Variants in PZP observed in about 807,000 individuals in gnomAD.
PZP encodes the protein PZP alpha-2-macroglobulin like, also known as pregnancy zone protein.
Under a neutral mutation model 179.8 loss-of-function variants are expected in PZP, and 150 were observed. The ratio of observed to expected loss-of-function variants is 0.83; its 90% CI spans 0.73 to 0.96. PZP has a LOEUF of 0.96. PZP is among the 40% of genes least tolerant of loss of function. The pLI, the probability that PZP is intolerant of heterozygous loss-of-function variation, is 0.00. For missense variants in PZP, 1,689 were observed against 1,764.0 expected, an observed-to-expected ratio of 0.96 and a Z score of 0.76; for synonymous variants, 624 against 652.3, an observed-to-expected ratio of 0.96 and a Z score of 0.66.
At chr12:9,205,592 A>G (rs761403634) in intron 1 of PZP, among the ~76,000 whole-genome samples, 11 of 152,194 alleles carry the variant, frequency 7.2e-5, no homozygotes, top group Non-Finnish European at 1.5e-4. Flanking sequence ...GTAAATTGTG[A>G]CTAAAATGTA....
chr12:9,183,829 A>G (rs758430609), intron 13 of PZP, among the ~76,000 whole-genome samples: 1 of 152,358 alleles, frequency 6.6e-6, no homozygotes, highest in South Asian at 2.1e-4. Context: ...CTTATTTTAT[A>G]TCACTATGTG....
rs1940359165 is a variant in PZP at position 9,151,600 on chromosome 12, T to A, written c.4281+4A>T. ...AGTCTCAGCCAGGATGTCAGAGCCC[T>A]CACCTGTTCCACATAAATGAGGACA... On this transcript the variant is annotated splice_donor_region_variant and intron_variant, in intron 33 of 35. Coordinates refer to ENST00000261336, the MANE Select transcript of PZP (RefSeq NM_002864.3). 2.5e-6 allele frequency: 4 copies of A among 1,613,028 alleles called. No homozygotes were observed. Among genetic ancestry groups the A allele is most frequent in the Non-Finnish European group, 3.4e-6 (4 of 1,179,150 alleles).
rs1592441009 is a variant in PZP at position 9,153,313 on chromosome 12, T to C, written c.3805A>G (p.Arg1269Gly). Residue 1269 changes from arginine (R) to glycine (G), a missense_variant, in exon 30 of 36, where the codon AGG becomes GGG. Coordinates refer to ENST00000261336, the MANE Select transcript of PZP (RefSeq NM_002864.3). ...CTGGTGAAAGTGGCTGCTCCATACC[T>C]GGACAGGGCATGGAGAGCCACCACT... is the stretch of plus-strand genomic sequence containing the variant. ...DTVVALHALSRYGAATFTRTE... is the reference protein window; with the variant it reads ...DTVVALHALSGYGAATFTRTE... 3 of 1,613,970 alleles carry C rather than the reference T, an allele frequency of 1.9e-6. No individual in the cohort carries two copies. The highest frequency in any genetic ancestry group is 2.2e-5 in the East Asian group (1 of 44,890).
rs750193722 is a variant in PZP, at chr12:9,151,648, G to A, written c.4237C>T (p.Arg1413Trp). 54 of 1,613,576 alleles carry A rather than the reference G, an allele frequency of 3.3e-5. No individual in the cohort carries two copies. The highest frequency in any genetic ancestry group is 9.3e-5 in the African/African-American group (7 of 74,892). ...ACATGGTTGTTGCTCACTTCTGTCC[G>A]GCTCACAGAGCTAGATCTTTCAAGC... ...KMLERSSSVSRTEVSNNHVLI... is the reference protein window; with the variant it reads ...KMLERSSSVSWTEVSNNHVLI... The change falls in exon 33 of 36, where the codon CGG becomes TGG. Residue 1413 changes from arginine to tryptophan, a missense_variant. Coordinates refer to ENST00000261336, the MANE Select transcript of PZP (RefSeq NM_002864.3).
intron 22 of PZP, among the ~76,000 whole-genome samples, chr12:9,161,484 A>C (rs1941199169): frequency 6.6e-6 from 1 of 152,162 alleles, no homozygotes; most frequent in African/African-American, 2.4e-5. Context: ...TGACTTCCAG[A>C]GTCCTTCCTC....
At chr12:9,160,950 T>C (rs1010059719) in intron 23 of PZP, 83 bp downstream of exon 23, 8 of 1,180,146 alleles carry the variant, frequency 6.8e-6, no homozygotes, top group African/African-American at 1.5e-5. Context: ...ATCAAGAACT[T>C]GATAATTCAA....
chr12:9,143,831 A>C, the PZP span, among the ~76,000 whole-genome samples: 1 of 152,212 alleles, frequency 6.6e-6, no homozygotes, highest in African/African-American at 2.4e-5. Context: ...TGGAGAGGAC[A>C]TAGGAATTTT....
intron 7 of PZP, among the ~76,000 whole-genome samples, chr12:9,197,686 T>C (rs1174642422): frequency 3.1e-5 from 3 of 97,872 alleles, no homozygotes; most frequent in African/African-American, 1.3e-4. Flanking sequence ...ATACAATACA[T>C]AATATATATA....
At chr12:9,200,828 T>G in intron 6 of PZP, 64 bp downstream of exon 6, 1 of 1,507,186 alleles carries the variant, frequency 6.6e-7, no homozygotes, top group Non-Finnish European at 9.0e-7. Flanking sequence ...ATTCAAAGGA[T>G]CTAAGTGAGC....
chr12:9,166,023 A>G lies in PZP; in HGVS notation c.2258+29T>C, dbSNP rs1312009417. On this transcript the variant is annotated intron_variant, in intron 18 of 35. Transcript: ENST00000261336. Reference sequence around the variant, plus strand: ...GGAGGAACCACATTCCCTCCCCTCCAGCAAATGGAGGAAAGTAAAGTTACT... The same window carrying G: ...GGAGGAACCACATTCCCTCCCCTCCGGCAAATGGAGGAAAGTAAAGTTACT... 1.9e-6 allele frequency: 3 copies of G among 1,580,774 alleles called. No homozygotes were observed. In the Admixed American group the frequency reaches 5.9e-5, roughly 31 times the overall value.
At chr12:9,159,787 C>A in intron 25 of PZP, 151 bp downstream of exon 25, 1 of 693,288 alleles carries the variant, frequency 1.4e-6, no homozygotes, top group Non-Finnish European at 2.3e-6. Flanking sequence ...ACTTATCAGC[C>A]TTCATAGCTA....
rs754087570 is a variant in PZP at position 9,148,955 on chromosome 12, T to C, written c.*17A>G. On this transcript the variant is annotated 3_prime_UTR_variant, in exon 36 of 36. Transcript: ENST00000261336. Reference sequence around the variant, plus strand: ...ATAGGACAGAGAATCCACCAAAATATACAGCCTGTATGGTCCTCAAACATT... The same window carrying C: ...ATAGGACAGAGAATCCACCAAAATACACAGCCTGTATGGTCCTCAAACATT... 1.9e-6 allele frequency: 3 copies of C among 1,602,986 alleles called. No individual in the cohort carries two copies. The highest frequency in any genetic ancestry group is 3.3e-5 in the Admixed American group (2 of 59,954).
downstream of PZP, among the ~76,000 whole-genome samples, chr12:9,146,412 C>T (rs1246545611): frequency 1.3e-5 from 2 of 152,020 alleles, no homozygotes; most frequent in African/African-American, 2.4e-5. Flanking sequence ...TCTCACTGCT[C>T]ATACATTGTT....
chr12:9,196,342 G>GT lies in PZP; in HGVS notation c.1079_1080insA (p.Phe361LeufsTer18). 2 of 1,608,622 alleles carry GT rather than the reference G, an allele frequency of 1.2e-6. No homozygotes were observed. The highest frequency in any genetic ancestry group is 1.7e-6 in the Non-Finnish European group (2 of 1,175,220). Reference sequence around the variant, plus strand: ...CAACATATCTTACCTGTGCAAAAAAGGGGATTCCTTGTCTAAAGTGTGAAT... The same window carrying GT: ...CAACATATCTTACCTGTGCAAAAAAGTGGGATTCCTTGTCTAAAGTGTGAAT... On this transcript the variant is annotated frameshift_variant, in exon 10 of 36. Coordinates refer to ENST00000261336, the MANE Select transcript of PZP (RefSeq NM_002864.3). LOFTEE classifies it high-confidence loss of function.
At chr12:9,154,933 A>G (rs1454254262) in intron 28 of PZP, 94 bp from the exon 29 acceptor site, 3 of 1,241,762 alleles carry the variant, frequency 2.4e-6, no homozygotes, top group Non-Finnish European at 3.4e-6. Context: ...CATGGAGCTG[A>G]AAATAATACA....
At chr12:9,142,942 G>A in the PZP span, among the ~76,000 whole-genome samples, 1 of 152,312 alleles carries the variant, frequency 6.6e-6, no homozygotes, top group African/African-American at 2.4e-5. Flanking sequence ...TTTAATACCT[G>A]CACCAAGAGT....
At chr12:9,196,787 TTAAG>T (rs762804715) in intron 8 of PZP, 102 bp from the exon 9 acceptor site, 86 of 971,580 alleles carry the variant, frequency 8.9e-5, no homozygotes, top group East Asian at 1.2e-4. Flanking sequence ...TTTTTTTGCA[TTAAG>T]TAAGTTAATT....
At chr12:9,190,460 A>T (rs934583692) in intron 13 of PZP, among the ~76,000 whole-genome samples, 7 of 152,132 alleles carry the variant, frequency 4.6e-5, no homozygotes, top group African/African-American at 7.2e-5. Context: ...AACATAATGG[A>T]TACAAAGAGG....
rs747091984 is a variant in PZP at position 9,158,524 on chromosome 12, T to C, written c.3190A>G (p.Ile1064Val). The C allele has an allele frequency of 8.1e-6, 13 of 1,613,994 alleles. No individual in the cohort carries two copies. The highest frequency in any genetic ancestry group is 2.7e-5 in the African/African-American group (2 of 74,896). Residue 1064 changes from isoleucine (I) to valine (V), a missense_variant, in exon 26 of 36, where the codon ATT becomes GTT. By Grantham distance (29) the Ile-to-Val change is conservative. Coordinates refer to ENST00000261336, the MANE Select transcript of PZP (RefSeq NM_002864.3). The stretch of plus-strand genomic sequence containing the variant: ...GATTGGGTAATGTGTGCTTCATCAA[T>C]GAAGATGTAGGATCGAGCCTGGGCG... ...TFAQARSYIF[I>V]DEAHITQSLT...
Sources: gnomAD v4.1 joint callset for allele counts (sites outside exome capture counted in the v4.1 genomes callset) on GRCh38, gnomAD v4.1.1 for gene constraint, MANE v1.5 for transcripts, NCBI Gene and HGNC (gene_info 2026-07-23, HGNC 2026-07-21) for gene names.